Variants in FLG2 observed in about 807,000 individuals in gnomAD.
The protein encoded by FLG2 is filaggrin-2.
In FLG2, 7 loss-of-function variants were observed where a neutral mutation model predicts 3.9. The ratio of observed to expected loss-of-function variants is 1.79; its 90% CI spans 1.02 to 3.36. The LOEUF is 3.36. Ranked by LOEUF, FLG2 falls within the 30% of genes most tolerant of loss-of-function variation. The pLI is 0.00. For synonymous variants in FLG2, 1,031 were observed against 1,056.1 expected, an observed-to-expected ratio of 0.98 and a Z score of 0.46; for missense variants, 2,700 against 2,809.4, an observed-to-expected ratio of 0.96 and a Z score of 0.88.
rs140302446 is a variant in FLG2, at chr1:152,351,763, C to A, written c.6023G>T (p.Gly2008Val). Residue 2008 changes from glycine to valine, a missense_variant, in exon 3 of 3, where the codon GGC becomes GTC. Physicochemically the swap from Gly to Val is moderately radical, Grantham distance 109. Transcript: ENST00000388718. Reference sequence around the variant, plus strand: ...TGTGGACTGTCCATGACCAGAGTGGCCATGTCTAGTGGTATCTGCTGTTTG... The same window carrying A: ...TGTGGACTGTCCATGACCAGAGTGGACATGTCTAGTGGTATCTGCTGTTTG... ...HGQTADTTRH[G>V]HSGHGQSTQR... The A allele has an allele frequency of 4.3e-5, 69 of 1,598,648 alleles. 2 individuals carry two copies. In the Admixed American group the frequency reaches 8.7e-4, roughly 20 times the overall value.
intron 2 of FLG2, 90 bp downstream of exon 2, chr1:152,358,657 T>C: frequency 7.5e-7 from 1 of 1,329,192 alleles, no homozygotes; most frequent in Middle Eastern, 1.9e-4. Context: ...TAGAGTTCAC[T>C]GGGGCTGTGC....
Position 152,350,954 on chromosome 1 carries a change from G to T in FLG2, c.6832C>A (p.Gln2278Lys). 6.2e-7 allele frequency: 1 copy of T among 1,613,790 alleles called. No individual in the cohort carries two copies. The change falls in exon 3 of 3, where the codon CAA becomes AAA. Residue 2278 changes from glutamine (Q) to lysine (K), a missense_variant. Coordinates refer to ENST00000388718, the MANE Select transcript of FLG2 (RefSeq NM_001014342.3). Reference sequence around the variant, plus strand: ...GGCTGTCTTTGTTGAGATCCAGCTTGGCCCTGAATGTGTCCTGAATGTGTG... The same window carrying T: ...GGCTGTCTTTGTTGAGATCCAGCTTTGCCCTGAATGTGTCCTGAATGTGTG... ...SHTHSGHIQG[Q>K]AGSQQRQPGS... is the part of the protein sequence containing the mutation.
chr1:152,359,125 G>C (rs1280243105), intron 1 of FLG2, among the ~76,000 whole-genome samples: 1 of 152,084 alleles, frequency 6.6e-6, no homozygotes, highest in African/African-American at 2.4e-5. Context: ...GCATGTTACT[G>C]GTTCAACTGA....
In FLG2 at chr1:152,357,318, C is replaced by A; in HGVS notation, c.468G>T (p.Gly156=). 1 of 1,614,162 alleles carries A rather than the reference C, an allele frequency of 6.2e-7. No homozygotes were observed. Among genetic ancestry groups the A allele is most frequent in the Non-Finnish European group, 8.5e-7 (1 of 1,180,028 alleles). The change falls in exon 3 of 3, where the codon GGG becomes GGT. Residue 156 remains glycine (G), a synonymous_variant. Transcript: ENST00000388718. ...GTCTTCCTAGCCTCCTGGAGTTGGA[C>A]CCATGTCTACATTTCACAGTTCCCC... ...HSRGTVKCRH[G]SNSRRLGRQG... is the part of the protein sequence containing the mutation.
Position 152,352,973 on chromosome 1 carries a change from G to A in FLG2, c.4813C>T (p.Gln1605Ter), listed in dbSNP as rs757767944. 6.2e-7 allele frequency: 1 copy of A among 1,613,038 alleles called. No individual in the cohort carries two copies. Among genetic ancestry groups the A allele is most frequent in the South Asian group, 1.1e-5 (1 of 91,020 alleles). Residue 1605 changes from glutamine (Q) to a stop codon, truncating the protein, a stop_gained, in exon 3 of 3, where the codon CAA becomes TAA. Coordinates refer to ENST00000388718, the MANE Select transcript of FLG2 (RefSeq NM_001014342.3). LOFTEE classifies it low-confidence loss of function (END_TRUNC). The stretch of plus-strand genomic sequence containing the variant: ...ACTGTGAATTCTGGCTCTTCATGTT[G>A]AGATCCGGCTTGGCCGTAAGTGTGT... ...REHTYGQAGSQHEEPEFTVHE... is the reference protein window; with the variant it reads ...REHTYGQAGS
In FLG2 at chr1:152,351,748, C is replaced by T; in HGVS notation, c.6038G>A (p.Gly2013Glu). The T allele has an allele frequency of 6.2e-7, 1 of 1,611,134 alleles. No homozygotes were observed. The part of the protein sequence containing the change: ...DTTRHGHSGH[G>E]QSTQRGSRTT... ...CCTGGACCCTCTCTGTGTGGACTGT[C>T]CATGACCAGAGTGGCCATGTCTAGT... The change falls in exon 3 of 3, where the codon GGA (glycine) becomes GAA (glutamate). Residue 2013 changes from glycine to glutamate, a missense_variant. Coordinates refer to ENST00000388718, the MANE Select transcript of FLG2 (RefSeq NM_001014342.3).
In FLG2 at chr1:152,354,816, A is replaced by G; in HGVS notation, c.2970T>C (p.His990=). The part of the protein sequence containing the change: ...GSGKSSGFGQ[H]ESRSSQSNYG... ...AATTAGACTGACTTGATCTAGACTCATGCTGTCCAAAGCCAGAGGATTTTC... is the reference window on the plus strand; with the variant it reads ...AATTAGACTGACTTGATCTAGACTCGTGCTGTCCAAAGCCAGAGGATTTTC... The change falls in exon 3 of 3, where the codon CAT becomes CAC. Residue 990 remains histidine, a synonymous_variant. Transcript: ENST00000388718. 1 of 1,613,616 alleles carries G rather than the reference A, an allele frequency of 6.2e-7. No homozygotes were observed. The highest frequency in any genetic ancestry group is 1.1e-5 in the South Asian group (1 of 91,066).
At chr1:152,359,724 T>G (rs1416086889) in intron 1 of FLG2, among the ~76,000 whole-genome samples, 1 of 152,026 alleles carries the variant, frequency 6.6e-6, no homozygotes, top group Non-Finnish European at 1.5e-5. Context: ...AAGGTGAACT[T>G]TTACTTGCAT....
Position 152,354,470 on chromosome 1 carries a change from T to C in FLG2, c.3316A>G (p.Arg1106Gly), listed in dbSNP as rs1284414841. The part of the protein sequence containing the change: ...SGQTSGFGQH[R>G]PGSGQSSGFG... ...CCAGAGGACTGACCTGAGCCTGGCCTGTGTTGTCCAAATCCAGATGTCTGT... is the reference window on the plus strand; with the variant it reads ...CCAGAGGACTGACCTGAGCCTGGCCCGTGTTGTCCAAATCCAGATGTCTGT... Residue 1106 changes from arginine (R) to glycine (G), a missense_variant, in exon 3 of 3, where the codon AGG becomes GGG. Arg to Gly is a moderately radical substitution (Grantham distance 125). Transcript: ENST00000388718. The C allele has an allele frequency of 7.4e-6, 12 of 1,613,446 alleles. No individual in the cohort carries two copies. In the Admixed American group the frequency reaches 1.3e-4, roughly 18 times the overall value.
rs759166248 is a variant in FLG2 at position 152,355,071 on chromosome 1, T to C, written c.2715A>G (p.Gly905=). The change falls in exon 3 of 3, where the codon GGA becomes GGG. Residue 905 remains glycine (G), a synonymous_variant. Coordinates refer to ENST00000388718, the MANE Select transcript of FLG2 (RefSeq NM_001014342.3). ...CATGTTGTCCAAAACCAGAGTATTGTCCTGAGCCAGTCCCATGTTGTCCAA... is the reference window on the plus strand; with the variant it reads ...CATGTTGTCCAAAACCAGAGTATTGCCCTGAGCCAGTCCCATGTTGTCCAA... ...SGFGQHGTGS[G]QYSGFGQHES... is the part of the protein sequence containing the mutation. 135 of 1,550,450 alleles carry C rather than the reference T, an allele frequency of 8.7e-5. 18 individuals are homozygous for C. Among genetic ancestry groups the C allele is most frequent in the Non-Finnish European group, 1.2e-4 (133 of 1,151,094 alleles).
In FLG2 at chr1:152,350,493, A is replaced by T; in HGVS notation, c.*117T>A. On this transcript the variant is annotated 3_prime_UTR_variant, in exon 3 of 3. Coordinates refer to ENST00000388718, the MANE Select transcript of FLG2 (RefSeq NM_001014342.3). The stretch of plus-strand genomic sequence containing the variant: ...TTCTTATAATAATAGGTCGAGACTG[A>T]TACTGAGAATCAACTGAATGTTCAT... 3 of 1,291,834 alleles carry T rather than the reference A, an allele frequency of 2.3e-6. No individual in the cohort carries two copies. Among genetic ancestry groups the T allele is most frequent in the Non-Finnish European group, 3.2e-6 (3 of 950,402 alleles). 80.0% of individuals were successfully genotyped at this position (1,291,834 alleles called of 1,614,324 possible).
chr1:152,351,561 C>G lies in FLG2; in HGVS notation c.6225G>C (p.Gln2075His), dbSNP rs548213268. 6.2e-7 allele frequency: 1 copy of G among 1,606,526 alleles called. No individual in the cohort carries two copies. Residue 2075 changes from glutamine to histidine, a missense_variant, in exon 3 of 3, where the codon CAG becomes CAC. Physicochemically the swap from Gln to His is conservative, Grantham distance 24. Transcript: ENST00000388718. ...GAGCATGTCTAGTGGTATCTCCTGT[C>G]TGTCCATGAGTAGTTCCGTGTCTCT... ...VHERHGTTHGQTGDTTRHAHS... is the reference protein window; with the variant it reads ...VHERHGTTHGHTGDTTRHAHS...
At position 152,355,275 on chromosome 1, in the gene FLG2, C is replaced by T. The variant is rs1461920469; in HGVS notation, c.2511G>A (p.Glu837=). 1.2e-6 allele frequency: 2 copies of T among 1,613,400 alleles called. No individual in the cohort carries two copies. Among genetic ancestry groups the T allele is most frequent in the Non-Finnish European group, 8.5e-7 (1 of 1,179,874 alleles). The part of the protein sequence containing the change: ...SGQSSGFGQH[E]SRSHQSSYGQ... ...CATAGCTGGACTGATGTGATCTAGA[C>T]TCATGCTGTCCAAAGCCAGAGGATT... The change falls in exon 3 of 3, where the codon GAG becomes GAA. Residue 837 remains glutamate, a synonymous_variant. Transcript: ENST00000388718.
Position 152,350,597 on chromosome 1 carries a change from T to C in FLG2, c.*13A>G. 6.2e-7 allele frequency: 1 copy of C among 1,605,188 alleles called. No individual in the cohort carries two copies. The highest frequency in any genetic ancestry group is 8.5e-7 in the Non-Finnish European group (1 of 1,175,748). On this transcript the variant is annotated 3_prime_UTR_variant, in exon 3 of 3. Coordinates refer to ENST00000388718, the MANE Select transcript of FLG2 (RefSeq NM_001014342.3). ...GCTTTGGATACTATAAGGTCAGAAC[T>C]AGAAAATAACTGTCAATGTCTAGAC...
Position 152,351,291 on chromosome 1 carries a change from G to T in FLG2, c.6495C>A (p.Ser2165=). The change falls in exon 3 of 3, where the codon TCC becomes TCA. Residue 2165 remains serine (S), a synonymous_variant. Coordinates refer to ENST00000388718, the MANE Select transcript of FLG2 (RefSeq NM_001014342.3). ...CAGTTGTCCTGGAACCTGTCTGTGT[G>T]GACTGTCCATGACCAGACTGGCCAT... The part of the protein sequence containing the change: ...TRHGQSGHGQ[S]TQTGSRTTGR... 1 of 1,613,768 alleles carries T rather than the reference G, an allele frequency of 6.2e-7. No individual in the cohort carries two copies. Among genetic ancestry groups the T allele is most frequent in the Non-Finnish European group, 8.5e-7 (1 of 1,179,964 alleles).
In FLG2 at chr1:152,353,141, C is replaced by T. The variant is rs1170514392; in HGVS notation, c.4645G>A (p.Asp1549Asn). The change falls in exon 3 of 3, where the codon GAT becomes AAT. Residue 1549 changes from aspartate to asparagine, a missense_variant. Physicochemically the swap from Asp to Asn is conservative, Grantham distance 23. Coordinates refer to ENST00000388718, the MANE Select transcript of FLG2 (RefSeq NM_001014342.3). ...CCAGAGTAGGAATGTCTAGTGGTAT[C>T]TCCTGTCTGTCCATGAGTAATTCTG... ...RHRITHGQTG[D>N]TTRHSYSGHE... is the part of the protein sequence containing the mutation. The T allele has an allele frequency of 6.2e-6, 10 of 1,613,848 alleles. No individual in the cohort carries two copies. In the South Asian group the frequency reaches 7.7e-5, roughly 12 times the overall value.
intron 1 of FLG2, among the ~76,000 whole-genome samples, 151 bp downstream of exon 1, chr1:152,359,805 A>G (rs1464623302): frequency 6.6e-6 from 1 of 152,224 alleles, no homozygotes; most frequent in East Asian, 1.9e-4. Context: ...CAAACAAATA[A>G]GCAAACAAAA....
chr1:152,354,442 A>C lies in FLG2; in HGVS notation c.3344T>G (p.Phe1115Cys). Residue 1115 changes from phenylalanine to cysteine, a missense_variant, in exon 3 of 3, where the codon TTT becomes TGT. Phe to Cys is a radical substitution (Grantham distance 205, BLOSUM62 -2). Transcript: ENST00000388718. ...ACCTGAGCCCGATCCATATTGGCCA[A>C]AGCCAGAGGACTGACCTGAGCCTGG... ...HRPGSGQSSG[F>C]GQYGSGSGQS... The C allele has an allele frequency of 6.2e-7, 1 of 1,614,090 alleles. No homozygotes were observed. The highest frequency in any genetic ancestry group is 8.5e-7 in the Non-Finnish European group (1 of 1,180,006).
Position 152,351,879 on chromosome 1 carries a change from G to C in FLG2, c.5907C>G (p.His1969Gln). ...SDSEGPSGVS[H>Q]THSGHTHGQA... is the part of the protein sequence containing the mutation. ...GACCGTGAGTGTGTCCTGAATGTGT[G>C]TGTGAGACCCCTGAGGGCCCTTCAC... The change falls in exon 3 of 3, where the codon CAC becomes CAG. Residue 1969 changes from histidine to glutamine, a missense_variant. Physicochemically the swap from His to Gln is conservative, Grantham distance 24 (BLOSUM62 0). Transcript: ENST00000388718. The C allele has an allele frequency of 6.2e-7, 1 of 1,612,618 alleles. No individual in the cohort carries two copies. The highest frequency in any genetic ancestry group is 8.5e-7 in the Non-Finnish European group (1 of 1,179,618).
Sources: allele counts gnomAD v4.1 joint callset (sites outside exome capture counted in the v4.1 genomes callset), GRCh38; gene constraint gnomAD v4.1.1; transcripts MANE v1.5; gene names NCBI Gene and HGNC (gene_info 2026-07-23, HGNC 2026-07-21).